ITGB7: variants seen among roughly 807,000 people sequenced by gnomAD.
ITGB7 encodes integrin beta-7.
ITGB7 carries 55 observed loss-of-function variants against 83.4 expected under a neutral mutation model. The observed-to-expected ratio is 0.66, with a 90% CI of 0.53 to 0.83. The LOEUF is 0.83. Among genes scored for constraint, ITGB7 ranks in the 40% least tolerant of loss-of-function variants. The probability of loss-of-function intolerance (pLI) is 0.00; values close to 1 mark genes in which losing one functional copy is unlikely to be tolerated. For synonymous variants in ITGB7, 454 were observed against 423.6 expected, an observed-to-expected ratio of 1.07 and a Z score of -0.88; for missense variants, 921 against 1,046.7, an observed-to-expected ratio of 0.88 and a Z score of 1.66.
At chr12:53,193,076 C>T (rs935570346) in intron 12 of ITGB7, 64 bp downstream of exon 12, 7 of 1,481,648 alleles carry the variant, frequency 4.7e-6, no homozygotes, top group Non-Finnish European at 6.5e-6. Context: ...CAGGAGATTC[C>T]CAGAGCCTAA....
intron 1 of ITGB7, among the ~76,000 whole-genome samples, chr12:53,206,442 C>T (rs888435580): frequency 2.0e-4 from 30 of 152,300 alleles, no homozygotes; most frequent in African/African-American, 7.2e-4. Context: ...CTCCTTTCCT[C>T]CCTCCAACCC....
chr12:53,192,758 A>G lies in ITGB7; in HGVS notation c.1879T>C (p.Leu627=). ...GRCKCNRCQC[L]DGYYGALCDQ... is the part of the protein sequence containing the mutation. ...CATAGAGCACCATAGTAGCCGTCCAAGCACTGGCAGCGGTTGCATTTGCAG... is the reference window on the plus strand; with the variant it reads ...CATAGAGCACCATAGTAGCCGTCCAGGCACTGGCAGCGGTTGCATTTGCAG... Residue 627 remains leucine, a synonymous_variant, in exon 13 of 16, where the codon TTG becomes CTG. Coordinates refer to ENST00000267082, the MANE Select transcript of ITGB7 (RefSeq NM_000889.3). 1 of 1,614,230 alleles carries G rather than the reference A, an allele frequency of 6.2e-7. No homozygotes were observed. The highest frequency in any genetic ancestry group is 2.2e-5 in the East Asian group (1 of 44,888).
chr12:53,194,553 A>G lies in ITGB7; in HGVS notation c.1162-209T>C, dbSNP rs1479564543. On this transcript the variant is annotated intron_variant, in intron 9 of 15. Transcript: ENST00000267082. ...TACAGGATCCAGAGGCCTCTAATAC[A>G]GCATTTCAGTGCAGCTGCCAGCAAG... 4 of 517,412 alleles carry G rather than the reference A, an allele frequency of 7.7e-6. No homozygotes were observed. The Admixed American group carries it at 9.5e-5, about 12-fold the overall frequency. The allele number at this position is 517,412 out of a possible 1,614,324, so 32.1% of individuals were successfully genotyped here.
chr12:53,204,360 A>G (rs2120534950), intron 1 of ITGB7, among the ~76,000 whole-genome samples: 1 of 152,036 alleles, frequency 6.6e-6, no homozygotes, highest in South Asian at 2.1e-4. Context: ...AGCCTGGGCA[A>G]CAAGAGCAAA....
Position 53,195,427 on chromosome 12 carries a change from C to A in ITGB7, c.1108G>T (p.Glu370Ter), listed in dbSNP as rs1442496325. Residue 370 changes from glutamate to a stop codon, truncating the protein, a stop_gained, in exon 9 of 16, where the codon GAG becomes TAG. Transcript: ENST00000267082. LOFTEE classifies it high-confidence loss of function. ...ACGTTGCTGGAGTCCTCACTCAGCT[C>A]CCCAACTGCAGACTTAGGAATCAGT... is the stretch of plus-strand genomic sequence containing the variant. Reference protein sequence around the residue: ...SKLIPKSAVGELSEDSSNVVQ... With the variant: ...SKLIPKSAVG The A allele has an allele frequency of 1.9e-6, 3 of 1,613,904 alleles. No homozygotes were observed. The highest frequency in any genetic ancestry group is 1.7e-6 in the Non-Finnish European group (2 of 1,179,910).
In ITGB7 at chr12:53,193,198, C is replaced by T. The variant is rs767827201; in HGVS notation, c.1668G>A (p.Gly556=). The T allele has an allele frequency of 6.2e-7, 1 of 1,614,126 alleles. No individual in the cohort carries two copies. Among genetic ancestry groups the T allele is most frequent in the Non-Finnish European group, 8.5e-7 (1 of 1,180,010 alleles). ...GRCSCSGQSS[G]HLCECDDASC... is the part of the protein sequence containing the mutation. ...TGGCATCGTCACACTCGCACAGATGCCCAGAGCTCTGTCCACTGCAGCTGC... is the reference window on the plus strand; with the variant it reads ...TGGCATCGTCACACTCGCACAGATGTCCAGAGCTCTGTCCACTGCAGCTGC... The change falls in exon 12 of 16, where the codon GGG becomes GGA. Residue 556 remains glycine, a synonymous_variant. Coordinates refer to ENST00000267082, the MANE Select transcript of ITGB7 (RefSeq NM_000889.3).
chr12:53,193,134 A>G lies in ITGB7; in HGVS notation c.1726+6T>C. ...ACCCCGCCCTTCTCCCCAAGGCTCCAGGTACCTCCGCAGAGGATGCCCTCA... is the reference window on the plus strand; with the variant it reads ...ACCCCGCCCTTCTCCCCAAGGCTCCGGGTACCTCCGCAGAGGATGCCCTCA... On this transcript the variant is annotated splice_donor_region_variant and intron_variant, in intron 12 of 15. Coordinates refer to ENST00000267082, the MANE Select transcript of ITGB7 (RefSeq NM_000889.3). 1.2e-6 allele frequency: 2 copies of G among 1,600,458 alleles called. No individual in the cohort carries two copies. The highest frequency in any genetic ancestry group is 1.7e-6 in the Non-Finnish European group (2 of 1,169,464).
intron 12 of ITGB7, 103 bp downstream of exon 12, chr12:53,193,037 C>A: frequency 7.3e-7 from 1 of 1,375,486 alleles, no homozygotes. Context: ...ACCCATACAC[C>A]GGAATCTTTT....
At chr12:53,199,873 G>A (rs369100600) in intron 3 of ITGB7, among the ~76,000 whole-genome samples, 21 of 152,074 alleles carry the variant, frequency 1.4e-4, no homozygotes, top group African/African-American at 2.9e-4. Context: ...ATGGCAGCCC[G>A]CACTGGGTAG....
intron 9 of ITGB7, chr12:53,194,676 G>T (rs116066272): frequency 5.6e-4 from 135 of 243,180 alleles, no homozygotes; most frequent in African/African-American, 2.8e-3. Flanking sequence ...TGCATGCCAG[G>T]TCTAAAGGGC....
chr12:53,191,820 G>T (rs769048521), intron 15 of ITGB7, 39 bp downstream of exon 15: 2 of 1,611,978 alleles, frequency 1.2e-6, no homozygotes, highest in East Asian at 2.2e-5. Flanking sequence ...TGTGGTGGGG[G>T]AACAGCTAAA....
intron 1 of ITGB7, among the ~76,000 whole-genome samples, chr12:53,204,735 G>C (rs1246933887): frequency 6.6e-6 from 1 of 151,678 alleles, no homozygotes; most frequent in Non-Finnish European, 1.5e-5. Flanking sequence ...AGTTAAATAA[G>C]ATGGTGAGAA....
intron 10 of ITGB7, 53 bp from the exon 11 acceptor site, chr12:53,193,954 C>T (rs530728897): frequency 3.4e-6 from 5 of 1,488,958 alleles, no homozygotes; most frequent in East Asian, 2.3e-5. Flanking sequence ...ACACACATAC[C>T]CCAAACTCAC....
chr12:53,197,981 C>A, intron 3 of ITGB7, 30 bp from the exon 4 acceptor site: 2 of 1,521,888 alleles, frequency 1.3e-6, no homozygotes, highest in South Asian at 2.4e-5. Flanking sequence ...GCGTCGGGAC[C>A]CGGTCCTGCA....
At chr12:53,203,698 A>AAAAAACCAC (rs1203800955) in intron 1 of ITGB7, among the ~76,000 whole-genome samples, 2 of 151,494 alleles carry the variant, frequency 1.3e-5, no homozygotes, top group Non-Finnish European at 2.9e-5. Flanking sequence ...AAGAAGAAGA[A>AAAAAACCAC]AAAAACCACA....
At chr12:53,195,782 C>T (rs1942141526) in intron 7 of ITGB7, 61 bp from the exon 8 acceptor site, 5 of 1,398,812 alleles carry the variant, frequency 3.6e-6, no homozygotes, top group African/African-American at 1.4e-5. Flanking sequence ...ATGCAAGGTG[C>T]CCTCAGCCCA....
At chr12:53,197,083 ATGGT>A (rs1158254315) in intron 5 of ITGB7, 8 of 565,146 alleles carry the variant, frequency 1.4e-5, no homozygotes, top group Non-Finnish European at 2.2e-5. Context: ...GGTATAGGAT[ATGGT>A]AGCAGCATGA....
chr12:53,191,540 AGT>A lies in ITGB7; in HGVS notation c.*14_*15del. 1 of 1,594,206 alleles carries A rather than the reference AGT, an allele frequency of 6.3e-7. No homozygotes were observed. The highest frequency in any genetic ancestry group is 2.2e-5 in the East Asian group (1 of 44,762). The stretch of plus-strand genomic sequence containing the variant: ...CCTCCAAGGAGAAGAGCCTTGGGTA[AGT>A]GTCCCTCCCTCCTTCAGAGAGTGGG... On this transcript the variant is annotated 3_prime_UTR_variant, in exon 16 of 16. Coordinates refer to ENST00000267082, the MANE Select transcript of ITGB7 (RefSeq NM_000889.3).
chr12:53,200,197 A>C, intron 3 of ITGB7, 46 bp downstream of exon 3: 1 of 1,501,286 alleles, frequency 6.7e-7, no homozygotes, highest in Non-Finnish European at 9.3e-7. Flanking sequence ...ATATACACAT[A>C]CACATACACA....
Sources: allele counts gnomAD v4.1 joint callset (sites outside exome capture counted in the v4.1 genomes callset), GRCh38; gene constraint gnomAD v4.1.1; transcripts MANE v1.5; gene names NCBI Gene and HGNC (gene_info 2026-07-23, HGNC 2026-07-21).